Variants in PDE7A observed in about 807,000 individuals in gnomAD.
PDE7A encodes high affinity 3',5'-cyclic-AMP phosphodiesterase 7A.
PDE7A carries 39 observed loss-of-function variants against 64.3 expected under a neutral mutation model. The observed-to-expected ratio is 0.61, with a 90% CI of 0.47 to 0.79. PDE7A has a LOEUF of 0.79. Ranked by LOEUF, PDE7A falls within the 30% of genes least tolerant of loss-of-function variation. The pLI, the probability that PDE7A is intolerant of heterozygous loss-of-function variation, is 0.00. For synonymous variants in PDE7A, 203 were observed against 206.8 expected (o/e 0.98, Z 0.16); for missense variants, 470 against 582.8 (o/e 0.81, Z 1.99).
intron 1 of PDE7A, among the ~76,000 whole-genome samples, chr8:65,825,038 G>C (rs1471731852): frequency 2.0e-5 from 3 of 152,000 alleles, no homozygotes; most frequent in Admixed American, 2.0e-4. Context: ...AAATTTGACA[G>C]TATGCTTTGA....
At chr8:65,778,896 G>A (rs541113604) in intron 3 of PDE7A, among the ~76,000 whole-genome samples, 1 of 152,300 alleles carries the variant, frequency 6.6e-6, no homozygotes, top group Non-Finnish European at 1.5e-5. Flanking sequence ...AGCCTGAATG[G>A]TTTACCAGCA....
At chr8:65,808,566 A>C (rs976229678) in intron 1 of PDE7A, among the ~76,000 whole-genome samples, 1 of 152,170 alleles carries the variant, frequency 6.6e-6, no homozygotes, top group Admixed American at 6.6e-5. Context: ...GCTAAACACC[A>C]ATGTGTTCAC....
intron 3 of PDE7A, among the ~76,000 whole-genome samples, chr8:65,762,923 G>C (rs1419504378): frequency 6.6e-6 from 1 of 151,890 alleles, no homozygotes; most frequent in Non-Finnish European, 1.5e-5. Context: ...GATTGCTTGA[G>C]CCCAGGAGTT....
intron 1 of PDE7A, among the ~76,000 whole-genome samples, chr8:65,828,010 T>TA (rs1563522872): frequency 6.6e-6 from 1 of 152,168 alleles, no homozygotes; most frequent in Non-Finnish European, 1.5e-5. Flanking sequence ...CTCATTAGAT[T>TA]ATTAACTAAC....
intron 1 of PDE7A, among the ~76,000 whole-genome samples, chr8:65,809,741 A>T (rs553094060): frequency 6.6e-6 from 1 of 152,376 alleles, no homozygotes; most frequent in African/African-American, 2.4e-5. Context: ...CAACAGACAC[A>T]TGAAAAAATG....
chr8:65,740,619 C>T (rs1807377548), intron 5 of PDE7A, among the ~76,000 whole-genome samples: 1 of 152,130 alleles, frequency 6.6e-6, no homozygotes, highest in Admixed American at 6.5e-5. Flanking sequence ...CCAGGCTGGT[C>T]TCGAACTCCT....
intron 1 of PDE7A, chr8:65,789,094 C>T: frequency 7.3e-7 from 1 of 1,374,474 alleles, no homozygotes; most frequent in South Asian, 1.9e-5. Context: ...CAACAGTGAT[C>T]ACCTGACTCC....
At chr8:65,824,681 T>C (rs1443703979) in intron 1 of PDE7A, among the ~76,000 whole-genome samples, 4 of 152,196 alleles carry the variant, frequency 2.6e-5, no homozygotes, top group Non-Finnish European at 5.9e-5. Context: ...AGATTACAAC[T>C]TGATGAAGGC....
At chr8:65,759,643 AGT>A (rs1808401164) in intron 3 of PDE7A, among the ~76,000 whole-genome samples, 1 of 152,224 alleles carries the variant, frequency 6.6e-6, no homozygotes, top group Non-Finnish European at 1.5e-5. Context: ...TAGTTGTTTC[AGT>A]GGAGAGATCA....
At chr8:65,781,581 T>C (rs535257119) in intron 2 of PDE7A, among the ~76,000 whole-genome samples, 27 of 152,224 alleles carry the variant, frequency 1.8e-4, no homozygotes, top group African/African-American at 6.0e-4. Context: ...ACCAGTAGGA[T>C]CTGCTGATGA....
chr8:65,785,279 T>C (rs1023911899), intron 1 of PDE7A, among the ~76,000 whole-genome samples: 3 of 152,196 alleles, frequency 2.0e-5, no homozygotes, highest in Admixed American at 1.3e-4. Flanking sequence ...TTTCAATGTT[T>C]ATCTTTGCAC....
At chr8:65,761,145 C>T (rs1363317550) in intron 3 of PDE7A, among the ~76,000 whole-genome samples, 1 of 152,000 alleles carries the variant, frequency 6.6e-6, no homozygotes, top group African/African-American at 2.4e-5. Flanking sequence ...CTGCAACCTC[C>T]GCCTCCCAGG....
In PDE7A at chr8:65,719,463, T is replaced by C; in HGVS notation, c.1276A>G (p.Thr426Ala). 1 of 1,613,866 alleles carries C rather than the reference T, an allele frequency of 6.2e-7. No individual in the cohort carries two copies. The highest frequency in any genetic ancestry group is 8.5e-7 in the Non-Finnish European group (1 of 1,179,714). ...GTATTGGAAAACCTGGCCCATTCTGTAAATAAAGGCTCCACTAGGTAAGTC... is the reference window on the plus strand; with the variant it reads ...GTATTGGAAAACCTGGCCCATTCTGCAAATAAAGGCTCCACTAGGTAAGTC... ...FMTYLVEPLF[T>A]EWARFSNTRL... is the part of the protein sequence containing the mutation. Residue 426 changes from threonine (T) to alanine (A), a missense_variant, in exon 13 of 13, where the codon ACA becomes GCA. By Grantham distance (58) the Thr-to-Ala change is moderately conservative (BLOSUM62 0). Transcript: ENST00000401827.
At chr8:65,721,776 C>T (rs1354424077) in intron 12 of PDE7A, 7 of 149,160 alleles carry the variant, frequency 4.7e-5, no homozygotes, top group African/African-American at 1.2e-4. Flanking sequence ...CACCTGTCTT[C>T]GATTCAATTC....
chr8:65,759,888 T>C (rs887317421), intron 3 of PDE7A, among the ~76,000 whole-genome samples: 1 of 152,170 alleles, frequency 6.6e-6, no homozygotes, highest in Admixed American at 6.5e-5. Context: ...ATTTTCTATA[T>C]GTATATATAC....
At chr8:65,784,728 CA>C (rs997278344) in intron 1 of PDE7A, among the ~76,000 whole-genome samples, 16 of 143,436 alleles carry the variant, frequency 1.1e-4, no homozygotes, top group Non-Finnish European at 9.2e-5. Context: ...ATCCTCCCAC[CA>C]AAAAAAAAAA....
chr8:65,823,920 C>A (rs1039382092), intron 1 of PDE7A, among the ~76,000 whole-genome samples: 1 of 151,972 alleles, frequency 6.6e-6, no homozygotes, highest in Non-Finnish European at 1.5e-5. Context: ...GAAAGTTTCC[C>A]ACAAATATGA....
chr8:65,730,121 C>T (rs1806793077), intron 7 of PDE7A, among the ~76,000 whole-genome samples: 1 of 147,872 alleles, frequency 6.8e-6, no homozygotes, highest in African/African-American at 2.5e-5. Context: ...CTCATAGGAG[C>T]ACAAACCCTA....
rs529414854 is a variant in PDE7A at position 65,783,298 on chromosome 8, C to T, written c.139-455G>A. On this transcript the variant is annotated intron_variant, in intron 1 of 12. Transcript: ENST00000401827. ...AGCACTTCAGCTCCTGCTCAAAATC[C>T]TCCAAAGGCTCTCCATCACACTTGG... Among the ~76,000 whole-genome samples the T allele has an allele frequency of 5.9e-5, 9 of 152,300 alleles. No individual in the cohort carries two copies. The South Asian group carries it at 1.0e-3, about 18-fold the overall frequency.
Sources: gnomAD v4.1 joint callset for allele counts (sites outside exome capture counted in the v4.1 genomes callset) on GRCh38, gnomAD v4.1.1 for gene constraint, MANE v1.5 for transcripts, NCBI Gene and HGNC (gene_info 2026-07-23, HGNC 2026-07-21) for gene names.